The following LPXN variants were observed in gnomAD, a reference collection of about 807,000 sequenced individuals.
LPXN encodes the protein leupaxin.
LPXN carries 28 observed loss-of-function variants against 45.6 expected under a neutral mutation model. That is an observed-to-expected ratio of 0.61 (90% CI 0.45 to 0.84). LPXN has a LOEUF of 0.84. LPXN is among the 40% of genes least tolerant of loss of function. The pLI is 0.00. For missense variants in LPXN, 459 were observed against 475.0 expected (o/e 0.97, Z 0.31); for synonymous variants, 166 against 169.9 (o/e 0.98, Z 0.18).
chr11:58,528,158 C>T lies in LPXN; in HGVS notation c.776G>A (p.Arg259Gln), dbSNP rs772527991. 26 of 1,614,056 alleles carry T rather than the reference C, an allele frequency of 1.6e-5. No individual in the cohort carries two copies. The highest frequency in any genetic ancestry group is 9.9e-5 in the South Asian group (9 of 91,092). The stretch of plus-strand genomic sequence containing the variant: ...TGAGAACATGGCTAAGAAATCCTTT[C>T]GGCAATATGGCTTCTTGTCCTTCTC... ...FHEKDKKPYC[R>Q]KDFLAMFSPK... Residue 259 changes from arginine to glutamine, a missense_variant, in exon 8 of 9, where the codon CGA becomes CAA. Coordinates refer to ENST00000395074, the MANE Select transcript of LPXN (RefSeq NM_004811.3).
upstream of LPXN, chr11:58,577,909 G>T: frequency 8.2e-7 from 1 of 1,221,294 alleles, no homozygotes; most frequent in South Asian, 1.4e-5. Context: ...ATTTGATTAA[G>T]AGCCAACTGA....
chr11:58,575,257 T>C (rs1051261675), intron 1 of LPXN, among the ~76,000 whole-genome samples: 4 of 152,186 alleles, frequency 2.6e-5, no homozygotes, highest in African/African-American at 7.2e-5. Flanking sequence ...CTTGATTTAA[T>C]ACTAAAACAT....
rs753089300 is a variant in LPXN at position 58,564,176 on chromosome 11, A to C, written c.197T>G (p.Ile66Ser). The change falls in exon 3 of 9, where the codon ATC (isoleucine) becomes AGC (serine). Residue 66 changes from isoleucine (I) to serine (S), a missense_variant. By Grantham distance (142) the Ile-to-Ser change is moderately radical (BLOSUM62 -2). Coordinates refer to ENST00000395074, the MANE Select transcript of LPXN (RefSeq NM_004811.3). The part of the protein sequence containing the change: ...LPAQLVYTTN[I>S]QELNVYSEAQ... ...ATACCTGTAGACATTGAGCTCCTGG[A>C]TATTGGTAGTATACACGAGCTGCGC... The C allele has an allele frequency of 5.6e-6, 9 of 1,603,272 alleles. 1 individual carries two copies. In the South Asian group the frequency reaches 1.0e-4, roughly 18 times the overall value.
rs1854155639 is a variant in LPXN at position 58,554,864 on chromosome 11, G to A, written c.295C>T (p.His99Tyr). The A allele has an allele frequency of 6.2e-7, 1 of 1,613,892 alleles. No individual in the cohort carries two copies. Among genetic ancestry groups the A allele is most frequent in the Non-Finnish European group, 8.5e-7 (1 of 1,179,954 alleles). ...ACCTTGGCCTGCATCTCAGTCAGGT[G>A]AGCCATGAGCTCATCCAACTGAGCA... Reference protein sequence around the residue: ...AAAQLDELMAHLTEMQAKVAV... With the variant: ...AAAQLDELMAYLTEMQAKVAV... The change falls in exon 4 of 9, where the codon CAC (histidine) becomes TAC (tyrosine). Residue 99 changes from histidine (H) to tyrosine (Y), a missense_variant. Transcript: ENST00000395074.
intron 3 of LPXN, among the ~76,000 whole-genome samples, chr11:58,558,670 C>G (rs993942653): frequency 4.3e-4 from 65 of 151,592 alleles, no homozygotes; most frequent in African/African-American, 1.4e-3. Flanking sequence ...CCTATATGAG[C>G]AATGGGGCAT....
chr11:58,577,719 C>G (rs1276654900), upstream of LPXN, among the ~76,000 whole-genome samples: 1 of 151,688 alleles, frequency 6.6e-6, no homozygotes, highest in African/African-American at 2.4e-5. Flanking sequence ...CAGATGGCTT[C>G]CGGCCGCAGA....
At chr11:58,572,352 C>T (rs983681587) in intron 1 of LPXN, among the ~76,000 whole-genome samples, 6 of 151,606 alleles carry the variant, frequency 4.0e-5, no homozygotes, top group South Asian at 4.1e-4. Flanking sequence ...AAAATGTTGA[C>T]TTTTATGTAC....
chr11:58,577,939 G>A, upstream of LPXN: 1 of 1,505,682 alleles, frequency 6.6e-7, no homozygotes, highest in Non-Finnish European at 9.0e-7. Context: ...CTTGTGCTAG[G>A]GCTCCGAGGG....
intron 7 of LPXN, among the ~76,000 whole-genome samples, chr11:58,534,709 T>C: frequency 6.6e-6 from 1 of 152,198 alleles, no homozygotes; most frequent in East Asian, 1.9e-4. Flanking sequence ...TGAAAAACCC[T>C]TCAAACAATC....
At chr11:58,535,549 C>T (rs1853524957) in intron 7 of LPXN, among the ~76,000 whole-genome samples, 1 of 152,036 alleles carries the variant, frequency 6.6e-6, no homozygotes, top group East Asian at 1.9e-4. Flanking sequence ...TATGACAAAC[C>T]CACAGCCAAT....
chr11:58,547,372 C>T (rs773045040), intron 7 of LPXN, among the ~76,000 whole-genome samples: 7 of 152,150 alleles, frequency 4.6e-5, no homozygotes, highest in Middle Eastern at 3.2e-3. Flanking sequence ...AGTCAAGACA[C>T]GTAAAGGGCA....
In LPXN at chr11:58,551,051, T is replaced by A. The variant is rs1854033290; in HGVS notation, c.486+14A>T. On this transcript the variant is annotated intron_variant, in intron 5 of 8. Coordinates refer to ENST00000395074, the MANE Select transcript of LPXN (RefSeq NM_004811.3). Reference sequence around the variant, plus strand: ...CAAAGAAGGCTGTAGGACCAAAATTTCAGCCCATCTCACCTTCCCAGCAAT... The same window carrying A: ...CAAAGAAGGCTGTAGGACCAAAATTACAGCCCATCTCACCTTCCCAGCAAT... 1.3e-6 allele frequency: 2 copies of A among 1,540,894 alleles called. No individual in the cohort carries two copies. The highest frequency in any genetic ancestry group is 1.7e-6 in the Non-Finnish European group (2 of 1,144,786).
chr11:58,535,220 A>G (rs1478802925), intron 7 of LPXN, among the ~76,000 whole-genome samples: 1 of 152,212 alleles, frequency 6.6e-6, no homozygotes, highest in Non-Finnish European at 1.5e-5. Context: ...CACAACAAAA[A>G]AAGAAAACTT....
intron 3 of LPXN, among the ~76,000 whole-genome samples, chr11:58,560,854 T>C (rs547325405): frequency 6.0e-4 from 92 of 152,222 alleles, no homozygotes; most frequent in Admixed American, 1.2e-3. Flanking sequence ...TATTTTCAAA[T>C]AGATAATGTA....
At chr11:58,544,373 T>G (rs889976780) in intron 7 of LPXN, among the ~76,000 whole-genome samples, 2 of 152,202 alleles carry the variant, frequency 1.3e-5, no homozygotes, top group African/African-American at 4.8e-5. Context: ...AGATTTTGCA[T>G]TTCTAACAAG....
intron 7 of LPXN, among the ~76,000 whole-genome samples, chr11:58,547,795 GT>G (rs1310050287): frequency 6.6e-6 from 1 of 152,134 alleles, no homozygotes; most frequent in Non-Finnish European, 1.5e-5. Flanking sequence ...ATTTAGAACT[GT>G]TTTTTAACAG....
Position 58,556,994 on chromosome 11 carries a change from T to C in LPXN, c.219-2054A>G, listed in dbSNP as rs189369079. Among the ~76,000 whole-genome samples the C allele has an allele frequency of 2.2e-3, 329 of 152,260 alleles. 3 individuals carry two copies. The highest frequency in any genetic ancestry group is 2.9e-3 in the Non-Finnish European group (194 of 68,006). The stretch of plus-strand genomic sequence containing the variant: ...CAGGGAAATGCAAATCAAACTATTA[T>C]GAGATACCACTCACAAACAGATGGC... On this transcript the variant is annotated intron_variant, in intron 3 of 8. Transcript: ENST00000395074.
intron 1 of LPXN, among the ~76,000 whole-genome samples, chr11:58,571,458 C>G (rs560099040): frequency 6.6e-6 from 1 of 152,008 alleles, no homozygotes; most frequent in East Asian, 1.9e-4. Flanking sequence ...GGAAATAACA[C>G]TTATTCTTAA....
intron 7 of LPXN, among the ~76,000 whole-genome samples, chr11:58,539,115 C>T (rs1853640823): frequency 6.6e-6 from 1 of 152,132 alleles, no homozygotes; most frequent in Non-Finnish European, 1.5e-5. Context: ...GAGACAAGCC[C>T]TGGGCAATGT....
Sources: allele counts gnomAD v4.1 joint callset (sites outside exome capture counted in the v4.1 genomes callset), GRCh38; gene constraint gnomAD v4.1.1; transcripts MANE v1.5; gene names NCBI Gene and HGNC (gene_info 2026-07-23, HGNC 2026-07-21).